MED16: variants seen among roughly 807,000 people sequenced by gnomAD.
The protein encoded by MED16 is mediator complex subunit 16, also known as mediator of RNA polymerase II transcription subunit 16.
A neutral mutation model predicts 84.4 loss-of-function variants in MED16; 81 were observed. The observed-to-expected ratio is 0.96, with a 90% CI of 0.80 to 1.15. The LOEUF is 1.15. MED16 is among the 50% of genes most tolerant of loss of function. The probability of loss-of-function intolerance (pLI) is 0.00; values close to 1 mark genes in which losing one functional copy is unlikely to be tolerated. For missense variants in MED16, 1,585 were observed against 1,245.9 expected (o/e 1.27, Z -4.10); for synonymous variants, 897 against 552.2 (o/e 1.62, Z -8.76).
At position 875,424 on chromosome 19, in the gene MED16, C is replaced by A; in HGVS notation, c.1591G>T (p.Ala531Ser). Reference protein sequence around the residue: ...VLSTRILAMKASLCKLSPCTV... With the variant: ...VLSTRILAMKSSLCKLSPCTV... ...CAGGGCGACAGCTTGCAGAGCGAGG[C>A]CTTCATGGCCAGGATCCGGGTGGAG... is the stretch of plus-strand genomic sequence containing the variant. The change falls in exon 10 of 16, where the codon GCC (alanine) becomes TCC (serine). Residue 531 changes from alanine (A) to serine (S), a missense_variant. Transcript: ENST00000325464. 2 of 1,605,080 alleles carry A rather than the reference C, an allele frequency of 1.2e-6. No homozygotes were observed. Among genetic ancestry groups the A allele is most frequent in the Non-Finnish European group, 1.7e-6 (2 of 1,179,668 alleles).
intron 8 of MED16, among the ~76,000 whole-genome samples, chr19:878,229 CCACCAG>C (rs2036310536): frequency 9.8e-6 from 1 of 101,896 alleles, no homozygotes; most frequent in Admixed American, 1.1e-4. Context: ...TTGTCAATGC[CCACCAG>C]CCCCAGCCCC....
chr19:874,784 T>A (rs1282283626), intron 10 of MED16, among the ~76,000 whole-genome samples: 1 of 143,236 alleles, frequency 7.0e-6, no homozygotes, highest in African/African-American at 2.6e-5. Flanking sequence ...GAGGCGAGAT[T>A]GCTTGAGCCC....
At chr19:875,552 G>T in intron 9 of MED16, 98 bp from the exon 10 acceptor site, 1 of 951,528 alleles carries the variant, frequency 1.1e-6, no homozygotes, top group Non-Finnish European at 1.5e-6. Flanking sequence ...GACACCAGGC[G>T]CTCGGTCAGC....
rs78047294 is a variant in MED16, at chr19:871,987, G to C, written c.2037C>G (p.Thr679=). The part of the protein sequence containing the change: ...KPSCLPVYTA[T]SDTQDSMSLL... ...GGGACATGCTGTCCTGGGTATCCGA[G>C]GTGGCCGTATACACGGGCAGGCAGC... Residue 679 remains threonine, a synonymous_variant, in exon 12 of 16, where the codon ACC becomes ACG. Coordinates refer to ENST00000325464, the MANE Select transcript of MED16 (RefSeq NM_005481.3). 1.3e-5 allele frequency: 21 copies of C among 1,607,934 alleles called. No homozygotes were observed. In the Middle Eastern group the frequency reaches 4.9e-4, roughly 38 times the overall value.
At chr19:878,356 C>A (rs2036316135) in intron 8 of MED16, among the ~76,000 whole-genome samples, 2 of 15,426 alleles carry the variant, frequency 1.3e-4, no homozygotes, top group Non-Finnish European at 2.7e-4. Flanking sequence ...TCAATGCCCA[C>A]CAGCCCCAGC....
chr19:880,081 G>A lies in MED16; in HGVS notation c.1209C>T (p.Ala403=), dbSNP rs117097731. ...IVHRLSLQTM[A]VFYSSAAPRP... ...TCGGGGCCGCGGAGCTGTAGAAGACGGCCATGGTCTGCAGTGAGAGCCGGT... is the reference window on the plus strand; with the variant it reads ...TCGGGGCCGCGGAGCTGTAGAAGACAGCCATGGTCTGCAGTGAGAGCCGGT... The change falls in exon 8 of 16, where the codon GCC becomes GCT. Residue 403 remains alanine (A), a synonymous_variant. Transcript: ENST00000325464. The A allele has an allele frequency of 0.012, 19,040 of 1,610,872 alleles. 171 individuals are homozygous for A. Among genetic ancestry groups the A allele is most frequent in the Non-Finnish European group, 0.014 (16,670 of 1,179,382 alleles).
Position 871,147 on chromosome 19 carries a change from G to A in MED16, c.2205C>T (p.Ser735=), listed in dbSNP as rs367666846. The A allele has an allele frequency of 1.9e-5, 30 of 1,547,932 alleles. No homozygotes were observed. The highest frequency in any genetic ancestry group is 4.8e-5 in the South Asian group (4 of 84,022). Residue 735 remains serine, a synonymous_variant, in exon 13 of 16, where the codon AGC becomes AGT. Coordinates refer to ENST00000325464, the MANE Select transcript of MED16 (RefSeq NM_005481.3). ...LIPSLDWLPA[S]DGLVSRLQPK... is the part of the protein sequence containing the mutation. ...GCTGCAGGCGGCTAACCAGGCCGTC[G>A]CTGGCTGGCAGCCAGTCCAGGCTGG...
chr19:886,308 G>A (rs2036526559), intron 4 of MED16, 107 bp from the exon 5 acceptor site: 2 of 991,958 alleles, frequency 2.0e-6, no homozygotes, highest in Non-Finnish European at 2.8e-6. Flanking sequence ...CCAGGAGTGT[G>A]TGCACCTGGG....
Position 867,977 on chromosome 19 carries a change from G to T in MED16, c.*124C>A. On this transcript the variant is annotated 3_prime_UTR_variant, in exon 16 of 16. Transcript: ENST00000325464. ...GGACGCGGGCCTGGGCGCAGAGGGC[G>T]TTTATTGGACCTGTCCTTCCCAGCC... The T allele has an allele frequency of 7.6e-7, 1 of 1,317,150 alleles. No homozygotes were observed. Among genetic ancestry groups the T allele is most frequent in the Non-Finnish European group, 1.0e-6 (1 of 982,932 alleles). 81.6% of individuals were successfully genotyped at this position (1,317,150 alleles called of 1,614,324 possible).
chr19:870,536 G>A (rs1046131048), intron 13 of MED16, among the ~76,000 whole-genome samples: 5 of 150,718 alleles, frequency 3.3e-5, no homozygotes, highest in African/African-American at 7.4e-5. Flanking sequence ...ACTCCAGCCT[G>A]GGCAACAGAG....
intron 10 of MED16, among the ~76,000 whole-genome samples, chr19:874,433 C>T (rs572902608): frequency 1.3e-5 from 2 of 152,274 alleles, no homozygotes; most frequent in South Asian, 4.1e-4. Flanking sequence ...AAAGAAACAG[C>T]CTGCCAGGCA....
intron 13 of MED16, among the ~76,000 whole-genome samples, chr19:870,347 G>A (rs1017846123): frequency 1.3e-5 from 2 of 152,152 alleles, no homozygotes; most frequent in South Asian, 4.1e-4. Context: ...GATCACCTGA[G>A]GTCAGGAGTT....
intron 4 of MED16, among the ~76,000 whole-genome samples, chr19:888,875 G>A (rs1041562822): frequency 6.6e-6 from 1 of 152,166 alleles, no homozygotes. Flanking sequence ...CCTAGTTCCT[G>A]CGAGAGCCCC....
chr19:889,581 G>T, intron 4 of MED16, 57 bp downstream of exon 4: 1 of 1,546,936 alleles, frequency 6.5e-7, no homozygotes, highest in South Asian at 1.2e-5. Context: ...GCTGGCGGGT[G>T]GCTGGGTAGG....
At position 871,915 on chromosome 19, in the gene MED16, G is replaced by A; in HGVS notation, c.2098+11C>T. 6.5e-7 allele frequency: 1 copy of A among 1,536,436 alleles called. No homozygotes were observed. The highest frequency in any genetic ancestry group is 8.7e-7 in the Non-Finnish European group (1 of 1,148,874). On this transcript the variant is annotated intron_variant, in intron 12 of 15. Coordinates refer to ENST00000325464, the MANE Select transcript of MED16 (RefSeq NM_005481.3). Reference sequence around the variant, plus strand: ...GCGGGGAGAGGGGAGGGGCGGGCGGGGGTGCCTCACAGCAGATCCAGAGCT... The same window carrying A: ...GCGGGGAGAGGGGAGGGGCGGGCGGAGGTGCCTCACAGCAGATCCAGAGCT...
In MED16 at chr19:871,033, G is replaced by A. The variant is rs72984029; in HGVS notation, c.2315+4C>T. On this transcript the variant is annotated splice_donor_region_variant and intron_variant, in intron 13 of 15. Coordinates refer to ENST00000325464, the MANE Select transcript of MED16 (RefSeq NM_005481.3). ...TTTGGGGACCAATGCAGGGACACAC[G>A]CACCTGGCGAGGCCGTCGAGCTGCA... The A allele has an allele frequency of 0.11, 164,001 of 1,538,134 alleles. 10,459 individuals are homozygous for A. Among genetic ancestry groups the A allele is most frequent in the Non-Finnish European group, 0.13 (143,520 of 1,138,738 alleles).
intron 8 of MED16, among the ~76,000 whole-genome samples, chr19:877,830 T>C (rs372078714): frequency 1.0e-4 from 3 of 29,880 alleles, no homozygotes; most frequent in Admixed American, 3.4e-4. Flanking sequence ...CCCGTGGTTG[T>C]CAATGCCCAC....
intron 8 of MED16, among the ~76,000 whole-genome samples, chr19:878,885 G>A (rs886739088): frequency 2.6e-5 from 3 of 115,584 alleles, no homozygotes; most frequent in African/African-American, 3.4e-5. Flanking sequence ...TGCCCCAGCA[G>A]CTCACCTTTC....
At chr19:889,221 G>A (rs1426492622) in intron 4 of MED16, among the ~76,000 whole-genome samples, 1 of 151,800 alleles carries the variant, frequency 6.6e-6, no homozygotes, top group Non-Finnish European at 1.5e-5. Context: ...TCTTACCTGT[G>A]GGGCCGAATC....
Sources: allele counts gnomAD v4.1 joint callset (sites outside exome capture counted in the v4.1 genomes callset), GRCh38; gene constraint gnomAD v4.1.1; transcripts MANE v1.5; gene names NCBI Gene and HGNC (gene_info 2026-07-23, HGNC 2026-07-21).